Variants in VAC14 observed in about 807,000 individuals in gnomAD.
VAC14 encodes the protein VAC14 component of PIKFYVE complex.
A neutral mutation model predicts 85.3 loss-of-function variants in VAC14; 47 were observed. The ratio of observed to expected loss-of-function variants is 0.55; its 90% CI spans 0.44 to 0.70. The LOEUF (loss-of-function observed/expected upper bound fraction) is 0.70, where lower values mean the gene tolerates loss of function less well. Ranked by LOEUF, VAC14 falls within the 30% of genes least tolerant of loss-of-function variation. VAC14 has a pLI of 0.00. For synonymous variants in VAC14, 447 were observed against 430.5 expected, an observed-to-expected ratio of 1.04 and a Z score of -0.47; for missense variants, 861 against 1,004.3, an observed-to-expected ratio of 0.86 and a Z score of 1.93.
intron 1 of VAC14, among the ~76,000 whole-genome samples, chr16:70,793,861 C>T (rs2034435875): frequency 6.6e-6 from 1 of 152,238 alleles, no homozygotes; most frequent in Non-Finnish European, 1.5e-5. Context: ...ATACATAGCA[C>T]ACGAGGTTGT....
chr16:70,772,453 G>T, intron 9 of VAC14: 1 of 371,632 alleles, frequency 2.7e-6, no homozygotes, highest in South Asian at 6.0e-5. Context: ...GGCCTGAGGG[G>T]AATGGATGTT....
rs935757132 is a variant in VAC14 at position 70,687,839 on chromosome 16, C to T, written c.*89G>A. On this transcript the variant is annotated 3_prime_UTR_variant, in exon 19 of 19. Transcript: ENST00000261776. Reference sequence around the variant, plus strand: ...TTGGCAGGCCCAGCCCTGGTCCTGACAGGCAGGTCCTTGAGCTCCTCGGGA... The same window carrying T: ...TTGGCAGGCCCAGCCCTGGTCCTGATAGGCAGGTCCTTGAGCTCCTCGGGA... The T allele has an allele frequency of 3.1e-6, 4 of 1,304,142 alleles. No individual in the cohort carries two copies. The highest frequency in any genetic ancestry group is 6.1e-5 in the East Asian group (2 of 32,716). 80.8% of individuals were successfully genotyped at this position (1,304,142 alleles called of 1,614,324 possible). A position where few individuals can be genotyped will look rare whatever the true frequency, so the allele number is the denominator to read the frequency against.
At chr16:70,746,252 G>A (rs948024296) in intron 12 of VAC14, among the ~76,000 whole-genome samples, 17 of 152,086 alleles carry the variant, frequency 1.1e-4, no homozygotes, top group Non-Finnish European at 2.2e-4. Flanking sequence ...GTCACGTGTT[G>A]GCACGCAATC....
chr16:70,740,044 T>A (rs961708900), intron 13 of VAC14, among the ~76,000 whole-genome samples: 4 of 151,642 alleles, frequency 2.6e-5, no homozygotes, highest in African/African-American at 9.7e-5. Context: ...CTCTGCAACC[T>A]CCACCTGCTG....
intron 1 of VAC14, among the ~76,000 whole-genome samples, chr16:70,799,591 G>C (rs1368960900): frequency 2.0e-5 from 3 of 152,198 alleles, no homozygotes; most frequent in Admixed American, 2.0e-4. Context: ...TTGTTACAAC[G>C]GATGGAGTGC....
chr16:70,697,932 C>T (rs1005238814), intron 15 of VAC14, among the ~76,000 whole-genome samples: 1 of 152,126 alleles, frequency 6.6e-6, no homozygotes. Context: ...AAATGAAACC[C>T]CTGGAGTCCC....
intron 18 of VAC14, chr16:70,691,283 G>A (rs773113101): frequency 1.0e-6 from 1 of 985,320 alleles, no homozygotes; most frequent in African/African-American, 1.7e-5. Context: ...GGACTCCCAG[G>A]AAGGCAGGCT....
intron 14 of VAC14, among the ~76,000 whole-genome samples, chr16:70,705,456 C>T (rs1246875753): frequency 1.3e-5 from 2 of 152,382 alleles, no homozygotes; most frequent in African/African-American, 4.8e-5. Flanking sequence ...GACAGGGCAT[C>T]AGATGAACTC....
Position 70,783,477 on chromosome 16 carries a change from G to A in VAC14, c.672C>T (p.Ile224=), listed in dbSNP as rs748530664. ...LPEILDGLFQ[I]LGDNGKEIRK... is the part of the protein sequence containing the mutation. ...GAATCTCTTTGCCATTGTCACCCAG[G>A]ATCTGGAAGAGTCCATCCAGGATCT... The change falls in exon 6 of 19, where the codon ATC becomes ATT. Residue 224 remains isoleucine (I), a synonymous_variant. Transcript: ENST00000261776. 6.2e-7 allele frequency: 1 copy of A among 1,614,076 alleles called. No individual in the cohort carries two copies. The highest frequency in any genetic ancestry group is 1.1e-5 in the South Asian group (1 of 91,084).
At chr16:70,745,482 A>AGTGTGTGTGTGTGTGTGTGTGT (rs145054065) in intron 12 of VAC14, among the ~76,000 whole-genome samples, 3 of 143,778 alleles carry the variant, frequency 2.1e-5, no homozygotes, top group African/African-American at 8.0e-5. Context: ...GAGGGGCTTC[A>AGTGTGTGTGTGTGTGTGTGTGT]GTGTGTGTGT....
intron 18 of VAC14, chr16:70,691,873 C>G: frequency 1.0e-6 from 1 of 985,418 alleles, no homozygotes; most frequent in South Asian, 4.7e-5. Flanking sequence ...TCAAGGCTGC[C>G]TGTGTCCATC....
At chr16:70,778,218 G>A (rs1333755751) in intron 9 of VAC14, among the ~76,000 whole-genome samples, 4 of 152,164 alleles carry the variant, frequency 2.6e-5, no homozygotes, top group Non-Finnish European at 2.9e-5. Flanking sequence ...GGCTGCACTG[G>A]CCGGGAATCA....
chr16:70,732,190 C>T (rs1002408974), intron 13 of VAC14, among the ~76,000 whole-genome samples: 4 of 152,200 alleles, frequency 2.6e-5, no homozygotes, highest in Admixed American at 6.5e-5. Flanking sequence ...AGGAATGATG[C>T]GCACAGCCAC....
At chr16:70,709,980 C>CT (rs2053995552) in intron 14 of VAC14, among the ~76,000 whole-genome samples, 2 of 152,210 alleles carry the variant, frequency 1.3e-5, no homozygotes, top group South Asian at 4.1e-4. Flanking sequence ...CTTGAACCCT[C>CT]TAAGCAGGAT....
intron 12 of VAC14, among the ~76,000 whole-genome samples, chr16:70,752,436 G>C (rs2031461363): frequency 6.6e-6 from 1 of 152,198 alleles, no homozygotes; most frequent in African/African-American, 2.4e-5. Flanking sequence ...GCTGATTCCA[G>C]CCATTGCTCA....
At chr16:70,712,968 G>A (rs927550292) in intron 14 of VAC14, among the ~76,000 whole-genome samples, 3 of 152,182 alleles carry the variant, frequency 2.0e-5, no homozygotes, top group Admixed American at 6.5e-5. Flanking sequence ...CCTCTCTAGA[G>A]GGGCTGCTGC....
intron 12 of VAC14, chr16:70,755,101 TGG>T (rs961363146): frequency 8.4e-5 from 18 of 213,318 alleles, no homozygotes; most frequent in Admixed American, 3.6e-4. Context: ...GGGCAGAGGC[TGG>T]CCCTCCTGAT....
chr16:70,761,864 G>C (rs996088661), intron 12 of VAC14, among the ~76,000 whole-genome samples: 3 of 152,180 alleles, frequency 2.0e-5, no homozygotes, highest in Admixed American at 2.0e-4. Flanking sequence ...GCAGGGGCCC[G>C]GCCCAGTGCT....
intron 2 of VAC14, 68 bp from the exon 3 acceptor site, chr16:70,785,937 C>T: frequency 6.6e-7 from 1 of 1,506,666 alleles, no homozygotes; most frequent in Non-Finnish European, 9.0e-7. Context: ...GCCTGCAGTG[C>T]CAGCTGACAT....
Sources: gnomAD v4.1 joint callset for allele counts (sites outside exome capture counted in the v4.1 genomes callset) on GRCh38, gnomAD v4.1.1 for gene constraint, MANE v1.5 for transcripts, NCBI Gene and HGNC (gene_info 2026-07-23, HGNC 2026-07-21) for gene names.